The following FBLN1 variants were observed in gnomAD, a reference collection of about 807,000 sequenced individuals.
The protein encoded by FBLN1 is fibulin 1.
A neutral mutation model predicts 89.7 loss-of-function variants in FBLN1; 34 were observed. That is an observed-to-expected ratio of 0.38 (90% confidence interval 0.29 to 0.50). FBLN1 has a LOEUF of 0.50. FBLN1 is among the 20% of genes least tolerant of loss of function. FBLN1 has a pLI of 0.92. For missense variants in FBLN1, 777 were observed against 988.1 expected (o/e 0.79, Z 2.86); for synonymous variants, 393 against 391.3 (o/e 1.00, Z -0.05).
chr22:45,563,657 C>CT lies in FBLN1; in HGVS notation c.1698-10853dup, dbSNP rs776991451. 1.4e-4 allele frequency among the ~76,000 whole-genome samples: 21 copies of CT among 152,208 alleles called. No homozygotes were observed. The highest frequency in any genetic ancestry group is 3.1e-4 in the Non-Finnish European group (21 of 68,040). Reference sequence around the variant, plus strand: ...CTCAGATTGCTGAGCACAGTCCCCTCTCGTTTTACAGATGTGGAAACTGAG... The same window carrying CT: ...CTCAGATTGCTGAGCACAGTCCCCTCTTCGTTTTACAGATGTGGAAACTGAG... On this transcript the variant is annotated intron_variant, in intron 14 of 16. Transcript: ENST00000327858. The surrounding 1 kb of genome is among the most constrained non-coding windows in gnomAD (Gnocchi z 5.7).
intron 14 of FBLN1, among the ~76,000 whole-genome samples, chr22:45,560,227 A>G (rs907136338): frequency 1.4e-4 from 21 of 152,188 alleles, no homozygotes; most frequent in Admixed American, 1.4e-3. Flanking sequence ...TCAGGATCCA[A>G]TTATTTCCAT....
chr22:45,528,184 G>A (rs1602178602), intron 4 of FBLN1, among the ~76,000 whole-genome samples, 175 bp downstream of exon 4: 1 of 152,336 alleles, frequency 6.6e-6, no homozygotes, highest in Middle Eastern at 3.4e-3. Context: ...GGAAGGAGGG[G>A]CATTGCAGCT....
chr22:45,561,034 C>G lies in FBLN1; in HGVS notation c.1697+10419C>G, dbSNP rs1221068767. 6.6e-6 allele frequency among the ~76,000 whole-genome samples: 1 copy of G among 152,042 alleles called. No homozygotes were observed. Among genetic ancestry groups the G allele is most frequent in the Non-Finnish European group, 1.5e-5 (1 of 68,002 alleles). On this transcript the variant is annotated intron_variant, in intron 14 of 16. Transcript: ENST00000327858. The surrounding 1 kb of genome is among the most constrained non-coding windows in gnomAD (Gnocchi z 4.7). ...GAAGCTGTTAAGCTGTTTCTTCTGG[C>G]AAAAAAGATTCATCAGAGTTTATAA...
chr22:45,555,248 CATAT>C (rs71779159), intron 14 of FBLN1, among the ~76,000 whole-genome samples: 3 of 135,098 alleles, frequency 2.2e-5, no homozygotes, highest in Middle Eastern at 3.8e-3. Context: ...ATGGAATATA[CATAT>C]ATATATATAT....
At position 45,575,301 on chromosome 22, in the gene FBLN1, G is replaced by A. The variant is rs530783914; in HGVS notation, c.1840+648G>A. ...GCTAGGCTGGGTCCTGAGTGGTGAG[G>A]TATTTGAGTGAAAGGGGGAGAAGGG... On this transcript the variant is annotated intron_variant, in intron 15 of 16. Coordinates refer to ENST00000327858, the MANE Select transcript of FBLN1 (RefSeq NM_006486.3). The surrounding 1 kb of genome is among the most constrained non-coding windows in gnomAD (Gnocchi z 6.3). 3.4e-4 allele frequency among the ~76,000 whole-genome samples: 51 copies of A among 152,232 alleles called. No individual in the cohort carries two copies. The East Asian group carries it at 7.5e-3, about 23-fold the overall frequency.
chr22:45,592,038 T>G lies in FBLN1; in HGVS notation c.1973-8269T>G, dbSNP rs150584046. On this transcript the variant is annotated intron_variant, in intron 16 of 16. Transcript: ENST00000327858. ...CATTTTGCAGACAGGAGGAAGGAGA[T>G]GTAGTGGGATGGGAAGATCTGGGCT... 1.8e-4 allele frequency among the ~76,000 whole-genome samples: 27 copies of G among 152,142 alleles called. No individual in the cohort carries two copies. The East Asian group carries it at 2.9e-3, about 16-fold the overall frequency.
Position 45,557,584 on chromosome 22 carries a change from CAG to C in FBLN1, c.1697+6970_1697+6971del, listed in dbSNP as rs1206409541. Among the ~76,000 whole-genome samples, 1 of 152,170 alleles carries C rather than the reference CAG, an allele frequency of 6.6e-6. No homozygotes were observed. The highest frequency in any genetic ancestry group is 2.4e-5 in the African/African-American group (1 of 41,450). On this transcript the variant is annotated intron_variant, in intron 14 of 16. Transcript: ENST00000327858. This position sits in a 1 kb window ranked among gnomAD's most constrained non-coding sequence, Gnocchi z 4.9. ...TGTTCATGGGTCCATTGGGCAATGA[CAG>C]GGGTGGCTGGGGAAAGAGGCCGAGT...
chr22:45,593,844 G>A (rs750213685), intron 16 of FBLN1, among the ~76,000 whole-genome samples: 22 of 151,968 alleles, frequency 1.4e-4, no homozygotes, highest in Non-Finnish European at 2.4e-4. Context: ...TTCATCTTAC[G>A]ACGTGTTCAT....
rs371065853 is a variant in FBLN1, at chr22:45,531,353, G to C, written c.544+29G>C. 84 of 1,607,584 alleles carry C rather than the reference G, an allele frequency of 5.2e-5. No individual in the cohort carries two copies. In the African/African-American group the frequency reaches 1.0e-3, roughly 19 times the overall value. The stretch of plus-strand genomic sequence containing the variant: ...AGACTCGGGCGTCTCCCATCAGTTG[G>C]TATTTAAACAAACCCCAAGGGGCCA... On this transcript the variant is annotated intron_variant, in intron 5 of 16. Transcript: ENST00000327858. The surrounding 1 kb of genome is among the most constrained non-coding windows in gnomAD (Gnocchi z 4.9).
At chr22:45,571,898 A>G (rs1237995162) in intron 14 of FBLN1, among the ~76,000 whole-genome samples, 4 of 152,130 alleles carry the variant, frequency 2.6e-5, no homozygotes, top group Admixed American at 2.0e-4. Flanking sequence ...TGGGAGGCCA[A>G]GGCAGGCAGA....
chr22:45,585,154 G>T (rs2146656243), intron 16 of FBLN1, among the ~76,000 whole-genome samples: 1 of 152,316 alleles, frequency 6.6e-6, no homozygotes, highest in South Asian at 2.1e-4. Context: ...GCTATGTACA[G>T]TTGGATGTGT....
At chr22:45,535,514 A>G (rs975971445) in intron 8 of FBLN1, 177 bp downstream of exon 8, 11 of 720,628 alleles carry the variant, frequency 1.5e-5, no homozygotes, top group Admixed American at 4.6e-5. Flanking sequence ...TGTGGGCCAT[A>G]TGGTCTCTGT....
intron 16 of FBLN1, among the ~76,000 whole-genome samples, chr22:45,599,067 G>A (rs1311647341): frequency 6.6e-6 from 1 of 152,196 alleles, no homozygotes; most frequent in Non-Finnish European, 1.5e-5. Flanking sequence ...AGGACTTGTG[G>A]CACCCACTCC....
chr22:45,585,782 AAC>A (rs2089079910), intron 16 of FBLN1, among the ~76,000 whole-genome samples: 1 of 152,054 alleles, frequency 6.6e-6, no homozygotes, highest in South Asian at 2.1e-4. Context: ...ATGGAAGGAG[AAC>A]ACACACCTTT....
intron 4 of FBLN1, among the ~76,000 whole-genome samples, chr22:45,529,281 T>A (rs2088371885): frequency 6.6e-6 from 1 of 152,200 alleles, no homozygotes; most frequent in South Asian, 2.1e-4. Context: ...TGTCAAATCA[T>A]AGACACTTAC....
intron 1 of FBLN1, among the ~76,000 whole-genome samples, chr22:45,505,944 C>T (rs2088013856): frequency 1.3e-5 from 2 of 152,108 alleles, no homozygotes; most frequent in South Asian, 2.1e-4. Context: ...AATTTTTGTA[C>T]TTTTAGTAGA....
intron 16 of FBLN1, among the ~76,000 whole-genome samples, chr22:45,592,881 C>T (rs1418560167): frequency 1.3e-5 from 2 of 152,178 alleles, no homozygotes; most frequent in African/African-American, 4.8e-5. Context: ...CACATGGTGG[C>T]CACAGTTAAT....
chr22:45,535,789 G>A (rs1159037264), intron 8 of FBLN1, among the ~76,000 whole-genome samples: 1 of 152,226 alleles, frequency 6.6e-6, no homozygotes, highest in East Asian at 1.9e-4. Context: ...GAGACTTGAG[G>A]CCAGGATTAG....
intron 6 of FBLN1, 89 bp from the exon 7 acceptor site, chr22:45,533,671 TC>T (rs2088440582): frequency 6.6e-7 from 1 of 1,505,344 alleles, no homozygotes; most frequent in South Asian, 1.1e-5. Context: ...GGGAAGCACT[TC>T]CACCGTGGCT....
Sources: allele counts gnomAD v4.1 joint callset (sites outside exome capture counted in the v4.1 genomes callset), GRCh38; gene constraint gnomAD v4.1.1; non-coding constraint Gnocchi (gnomAD v3.1); transcripts MANE v1.5; gene names NCBI Gene and HGNC (gene_info 2026-07-23, HGNC 2026-07-21).